KLHDC10: variants seen among roughly 807,000 people sequenced by gnomAD.
KLHDC10 encodes the protein kelch domain containing 10.
KLHDC10 carries 24 observed loss-of-function variants against 56.1 expected under a neutral mutation model. The ratio of observed to expected loss-of-function variants is 0.43; its 90% CI spans 0.31 to 0.60. The LOEUF (loss-of-function observed/expected upper bound fraction) is 0.60. Among genes scored for constraint, KLHDC10 ranks in the 20% least tolerant of loss-of-function variants. The pLI is 0.11. For missense variants in KLHDC10, 349 were observed against 567.0 expected, an observed-to-expected ratio of 0.62 and a Z score of 3.91; for synonymous variants, 188 against 207.1, an observed-to-expected ratio of 0.91 and a Z score of 0.79.
At chr7:130,101,991 A>T (rs1231644594) in intron 2 of KLHDC10, among the ~76,000 whole-genome samples, 1 of 150,910 alleles carries the variant, frequency 6.6e-6, no homozygotes, top group African/African-American at 2.4e-5. Context: ...AAAAAAAAAA[A>T]AAAGACTGGA....
intron 1 of KLHDC10, among the ~76,000 whole-genome samples, chr7:130,087,632 T>C (rs1004018728): frequency 1.3e-5 from 2 of 152,172 alleles, no homozygotes; most frequent in Non-Finnish European, 2.9e-5. Context: ...ATCAACAAAC[T>C]GTCAACTCAA....
intron 1 of KLHDC10, among the ~76,000 whole-genome samples, chr7:130,083,749 AAAAC>A (rs1298601549): frequency 1.3e-5 from 2 of 152,316 alleles, no homozygotes; most frequent in East Asian, 1.9e-4. Flanking sequence ...CTCCATCTCA[AAAAC>A]AAACAAACCC....
chr7:130,121,714 A>C (rs1449359734), intron 4 of KLHDC10, among the ~76,000 whole-genome samples: 1 of 152,178 alleles, frequency 6.6e-6, no homozygotes, highest in Non-Finnish European at 1.5e-5. Flanking sequence ...TCTTGAGAGC[A>C]TTTTTCTTCA....
intron 2 of KLHDC10, among the ~76,000 whole-genome samples, chr7:130,107,250 C>T (rs1048731854): frequency 3.3e-5 from 5 of 152,030 alleles, no homozygotes; most frequent in Admixed American, 6.6e-5. Flanking sequence ...TCAGCCAATA[C>T]AGTAGAAGAC....
At chr7:130,104,783 C>A (rs888782666) in intron 2 of KLHDC10, among the ~76,000 whole-genome samples, 2 of 152,076 alleles carry the variant, frequency 1.3e-5, no homozygotes, top group Admixed American at 6.5e-5. Context: ...TTTTAAACAA[C>A]CAGATCTTGT....
chr7:130,121,970 C>G, intron 4 of KLHDC10, 84 bp from the exon 5 acceptor site: 1 of 1,186,714 alleles, frequency 8.4e-7, no homozygotes, highest in South Asian at 1.8e-5. Flanking sequence ...TTTCATAAAA[C>G]CTGATTTGGA....
intron 1 of KLHDC10, among the ~76,000 whole-genome samples, chr7:130,075,320 G>T (rs549098819): frequency 2.0e-5 from 3 of 152,304 alleles, no homozygotes; most frequent in Admixed American, 6.5e-5. Context: ...AAGGAAAAAT[G>T]TAACAGTTGG....
chr7:130,077,381 A>AAAAC (rs1213533247), intron 1 of KLHDC10, among the ~76,000 whole-genome samples: 3 of 146,776 alleles, frequency 2.0e-5, no homozygotes, highest in African/African-American at 7.6e-5. Flanking sequence ...AAAAAAAAAA[A>AAAAC]ACAGTATATG....
intron 1 of KLHDC10, among the ~76,000 whole-genome samples, chr7:130,093,922 TTTTG>T (rs1795814057): frequency 1.3e-5 from 2 of 152,032 alleles, no homozygotes; most frequent in African/African-American, 4.8e-5. Flanking sequence ...TGTTAATTAT[TTTTG>T]TTTGTTTTTG....
chr7:130,100,108 T>TAAA (rs34550140), intron 2 of KLHDC10, among the ~76,000 whole-genome samples: 2 of 142,726 alleles, frequency 1.4e-5, no homozygotes, highest in Non-Finnish European at 1.5e-5. Flanking sequence ...CCTGTCTCAT[T>TAAA]AAAAAAAAAA....
chr7:130,096,914 G>A lies in KLHDC10; in HGVS notation c.167-7G>A. 1 of 1,605,026 alleles carries A rather than the reference G, an allele frequency of 6.2e-7. No homozygotes were observed. ...GTCTGACTTATTGCTGATAATTGTG[G>A]TAACAGGTAAGAAGAAAATACGATG... On this transcript the variant is annotated splice_region_variant and splice_polypyrimidine_tract_variant and intron_variant, in intron 1 of 9. Transcript: ENST00000335420.
At chr7:130,098,579 T>G (rs1430462513) in intron 2 of KLHDC10, among the ~76,000 whole-genome samples, 1 of 152,196 alleles carries the variant, frequency 6.6e-6, no homozygotes, top group Non-Finnish European at 1.5e-5. Flanking sequence ...ATAGCATTTT[T>G]TCTTTTTTCT....
At chr7:130,109,149 C>T (rs1421864405) in intron 2 of KLHDC10, among the ~76,000 whole-genome samples, 3 of 152,052 alleles carry the variant, frequency 2.0e-5, no homozygotes, top group African/African-American at 2.4e-5. Flanking sequence ...TCAAGTGATC[C>T]ACCCGCCTTG....
chr7:130,124,612 C>G (rs1796291199), intron 6 of KLHDC10, 77 bp downstream of exon 6: 2 of 758,264 alleles, frequency 2.6e-6, no homozygotes, highest in Non-Finnish European at 4.6e-6. Flanking sequence ...CAAGATAATT[C>G]TGTTACTTTG....
rs921106790 is a variant in KLHDC10 at position 130,073,218 on chromosome 7, AAAC to A, written c.166+2427_166+2429del. Among the ~76,000 whole-genome samples, 69 of 152,186 alleles carry A rather than the reference AAAC, an allele frequency of 4.5e-4. 1 individual carries two copies. Among genetic ancestry groups the A allele is most frequent in the Admixed American group, 4.0e-3 (61 of 15,272 alleles). On this transcript the variant is annotated intron_variant, in intron 1 of 9. Coordinates refer to ENST00000335420, the MANE Select transcript of KLHDC10 (RefSeq NM_014997.4). ...ACCACATCTCAAGTTAAAAATTAAA[AAAC>A]AACAACAACAACAACAAAAAACTAT... is the stretch of plus-strand genomic sequence containing the variant.
At chr7:130,085,025 A>G (rs1455682080) in intron 1 of KLHDC10, among the ~76,000 whole-genome samples, 2 of 151,988 alleles carry the variant, frequency 1.3e-5, no homozygotes, top group Non-Finnish European at 2.9e-5. Flanking sequence ...AATTATTAGC[A>G]AGCCATTGGA....
chr7:130,128,889 A>AAAAATATATATATATATATATAT, intron 8 of KLHDC10, among the ~76,000 whole-genome samples: 4 of 66,950 alleles, frequency 6.0e-5, no homozygotes, highest in African/African-American at 7.3e-5. Flanking sequence ...AAAAAAAAAA[A>AAAAATATATATATATATATATAT]ATATATATAT....
Position 130,132,020 on chromosome 7 carries a change from T to C in KLHDC10, c.*1274T>C, listed in dbSNP as rs1238623757. 2 of 152,174 alleles carry C rather than the reference T, an allele frequency of 1.3e-5. No individual in the cohort carries two copies. Among genetic ancestry groups the C allele is most frequent in the Non-Finnish European group, 2.9e-5 (2 of 68,016 alleles). 9.4% of individuals were successfully genotyped at this position (152,174 alleles called of 1,614,324 possible). A position where few individuals can be genotyped will look rare whatever the true frequency, so the allele number is the denominator to read the frequency against. On this transcript the variant is annotated 3_prime_UTR_variant, in exon 10 of 10. Coordinates refer to ENST00000335420, the MANE Select transcript of KLHDC10 (RefSeq NM_014997.4). The stretch of plus-strand genomic sequence containing the variant: ...GAGGAAGGAATGAAACTGAGTAGCA[T>C]TCATTTTGTGTGTGTGAAATTTTAG...
chr7:130,110,834 T>C (rs982875141), intron 2 of KLHDC10, among the ~76,000 whole-genome samples: 1 of 152,230 alleles, frequency 6.6e-6, no homozygotes, highest in African/African-American at 2.4e-5. Flanking sequence ...AGCACATCTG[T>C]AGGTGGCTAC....
Sources: allele counts gnomAD v4.1 joint callset (sites outside exome capture counted in the v4.1 genomes callset), GRCh38; gene constraint gnomAD v4.1.1; transcripts MANE v1.5; gene names NCBI Gene and HGNC (gene_info 2026-07-23, HGNC 2026-07-21).